Variants in CSRNP3 observed in about 807,000 individuals in gnomAD.
CSRNP3 encodes cysteine/serine-rich nuclear protein 3.
A neutral mutation model predicts 48.0 loss-of-function variants in CSRNP3; 12 were observed. The observed-to-expected ratio is 0.25, with a 90% CI of 0.16 to 0.41. The LOEUF (loss-of-function observed/expected upper bound fraction) is 0.41. Ranked by LOEUF, CSRNP3 falls within the 10% of genes least tolerant of loss-of-function variation. CSRNP3 has a pLI of 1.00. For missense variants in CSRNP3, 580 were observed against 724.4 expected, an observed-to-expected ratio of 0.80 and a Z score of 2.29; for synonymous variants, 263 against 269.7, an observed-to-expected ratio of 0.98 and a Z score of 0.24.
intron 4 of CSRNP3, among the ~76,000 whole-genome samples, chr2:165,636,361 C>A (rs1400763484): frequency 6.6e-6 from 1 of 152,134 alleles, no homozygotes; most frequent in Non-Finnish European, 1.5e-5. Flanking sequence ...AGATAAGATT[C>A]TCTTTGAGTG....
At chr2:165,626,339 A>T (rs2105322732) in intron 4 of CSRNP3, among the ~76,000 whole-genome samples, 1 of 152,312 alleles carries the variant, frequency 6.6e-6, no homozygotes, top group African/African-American at 2.4e-5. Flanking sequence ...AAGGAGTGAG[A>T]TGGACATCTA....
intron 3 of CSRNP3, among the ~76,000 whole-genome samples, chr2:165,551,141 A>G (rs1473635770): frequency 1.3e-5 from 2 of 152,128 alleles, no homozygotes; most frequent in Admixed American, 1.3e-4. Context: ...TTGTTCCCAC[A>G]TGGAGTGTTG....
chr2:165,520,761 AGAAATATAT>A (rs1684641005), intron 3 of CSRNP3, among the ~76,000 whole-genome samples: 2 of 81,172 alleles, frequency 2.5e-5, no homozygotes, highest in Non-Finnish European at 4.3e-5. Flanking sequence ...ATAGATATAT[AGAAATATAT>A]TATATATATA....
At chr2:165,583,304 A>C (rs1367654453) in intron 3 of CSRNP3, among the ~76,000 whole-genome samples, 1 of 152,126 alleles carries the variant, frequency 6.6e-6, no homozygotes, top group Non-Finnish European at 1.5e-5. Context: ...CTTTTTGCTT[A>C]CTCAGGGGTA....
At chr2:165,603,321 C>G (rs918831295) in intron 4 of CSRNP3, among the ~76,000 whole-genome samples, 4 of 152,108 alleles carry the variant, frequency 2.6e-5, no homozygotes, top group Admixed American at 6.6e-5. Flanking sequence ...TAGAACTGAT[C>G]AGCTTTGTGT....
intron 4 of CSRNP3, among the ~76,000 whole-genome samples, chr2:165,638,828 G>A (rs1686676658): frequency 6.6e-6 from 1 of 152,114 alleles, no homozygotes; most frequent in African/African-American, 2.4e-5. Flanking sequence ...AATGTCCTCT[G>A]ACAGAGAAAA....
chr2:165,619,469 AC>A (rs1401623807), intron 4 of CSRNP3, among the ~76,000 whole-genome samples: 1 of 152,158 alleles, frequency 6.6e-6, no homozygotes, highest in Non-Finnish European at 1.5e-5. Context: ...GTTGGGGACC[AC>A]CTATGAATTT....
intron 4 of CSRNP3, among the ~76,000 whole-genome samples, chr2:165,614,560 T>A (rs1466288702): frequency 3.9e-5 from 6 of 152,160 alleles, no homozygotes; most frequent in African/African-American, 1.4e-4. Flanking sequence ...GTTAGCTGTG[T>A]GTTTGTCATA....
At chr2:165,592,662 G>A (rs938199394) in intron 3 of CSRNP3, among the ~76,000 whole-genome samples, 22 of 152,104 alleles carry the variant, frequency 1.4e-4, no homozygotes, top group Non-Finnish European at 2.5e-4. Context: ...GGTTTTATAA[G>A]GGGCTTTTTC....
intron 4 of CSRNP3, among the ~76,000 whole-genome samples, chr2:165,656,193 C>T (rs1687001588): frequency 6.6e-6 from 1 of 152,216 alleles, no homozygotes; most frequent in Admixed American, 6.5e-5. Context: ...ACCTGTCTCA[C>T]TAACAGTCTA....
At chr2:165,509,720 C>T (rs1033915162) in intron 2 of CSRNP3, among the ~76,000 whole-genome samples, 4 of 152,168 alleles carry the variant, frequency 2.6e-5, no homozygotes, top group African/African-American at 9.7e-5. Context: ...AACAATAGCA[C>T]ACTTGTCAAA....
chr2:165,612,533 CTA>C (rs1686155967), intron 4 of CSRNP3, among the ~76,000 whole-genome samples: 1 of 151,914 alleles, frequency 6.6e-6, no homozygotes, highest in Non-Finnish European at 1.5e-5. Flanking sequence ...TCCCATCTAG[CTA>C]TAACTTTTTA....
intron 3 of CSRNP3, among the ~76,000 whole-genome samples, chr2:165,558,878 A>G (rs1685195124): frequency 6.6e-6 from 1 of 152,208 alleles, no homozygotes. Flanking sequence ...CTATAATGAC[A>G]TTCATCTTGC....
In CSRNP3 at chr2:165,491,919, G is replaced by A. The variant is rs1684215326; in HGVS notation, c.-282-2840G>A. 5.1e-5 allele frequency among the ~76,000 whole-genome samples: 7 copies of A among 136,348 alleles called. No homozygotes were observed. The South Asian group carries it at 1.7e-3, about 33-fold the overall frequency. 89.4% of individuals were successfully genotyped at this position (136,348 alleles called of 152,430 possible). The stretch of plus-strand genomic sequence containing the variant: ...TACATATGTAACTAACCTGCACAAT[G>A]TACACATGTACCCTAAAACTTAAAG... On this transcript the variant is annotated intron_variant, in intron 1 of 6. Transcript: ENST00000651982.
chr2:165,582,720 C>G (rs1203127418), intron 3 of CSRNP3, among the ~76,000 whole-genome samples: 3 of 152,192 alleles, frequency 2.0e-5, no homozygotes, highest in Non-Finnish European at 4.4e-5. Context: ...ATCACCAGAG[C>G]AGAGGTTTTT....
At chr2:165,515,338 C>CATATATAT (rs60927595) in intron 2 of CSRNP3, among the ~76,000 whole-genome samples, 7,520 of 142,162 alleles carry the variant, frequency 0.053, 259 homozygotes, top group Non-Finnish European at 0.074. Flanking sequence ...AAAAAAAATA[C>CATATATAT]ATATATATAT....
At position 165,590,598 on chromosome 2, in the gene CSRNP3, C is replaced by T. The variant is rs553491586; in HGVS notation, c.-23-4445C>T. Among the ~76,000 whole-genome samples the T allele has an allele frequency of 1.1e-4, 17 of 152,220 alleles. No homozygotes were observed. The East Asian group carries it at 1.2e-3, about 10-fold the overall frequency. On this transcript the variant is annotated intron_variant, in intron 3 of 6. Transcript: ENST00000651982. ...ATCCCCACATGTCATGGGATGGACC[C>T]GGTGGGAGGTAATTGAATCATGGAG...
intron 3 of CSRNP3, among the ~76,000 whole-genome samples, chr2:165,591,030 A>C (rs988019016): frequency 7.3e-5 from 11 of 150,308 alleles, no homozygotes; most frequent in African/African-American, 2.8e-4. Context: ...AAAGTTTAGA[A>C]CTTCCTAGAG....
chr2:165,542,881 C>T (rs551954183), intron 3 of CSRNP3, among the ~76,000 whole-genome samples: 1 of 152,210 alleles, frequency 6.6e-6, no homozygotes, highest in African/African-American at 2.4e-5. Flanking sequence ...CTCAAGATCT[C>T]TGATGTTAAG....
Sources: gnomAD v4.1 joint callset for allele counts (sites outside exome capture counted in the v4.1 genomes callset) on GRCh38, gnomAD v4.1.1 for gene constraint, MANE v1.5 for transcripts, NCBI Gene and HGNC (gene_info 2026-07-23, HGNC 2026-07-21) for gene names.